The following ZNF783 variants were observed in gnomAD, a reference collection of about 807,000 sequenced individuals.
ZNF783 encodes protein ZNF783.
A neutral mutation model predicts 31.3 loss-of-function variants in ZNF783; 25 were observed. The ratio of observed to expected loss-of-function variants is 0.80; its 90% CI spans 0.58 to 1.11. The LOEUF (loss-of-function observed/expected upper bound fraction) is 1.11. Among genes scored for constraint, ZNF783 ranks in the 50% most tolerant of loss-of-function variants. ZNF783 has a pLI of 0.00. For missense variants in ZNF783, 797 were observed against 760.0 expected (o/e 1.05, Z -0.57); for synonymous variants, 369 against 319.1 (o/e 1.16, Z -1.66).
intron 1 of ZNF783, 148 bp from the exon 2 acceptor site, chr7:149,266,187 C>A: frequency 1.1e-6 from 1 of 917,042 alleles, no homozygotes; most frequent in Non-Finnish European, 1.6e-6. Flanking sequence ...ATACCCTAGC[C>A]TCTCCCTCTC....
At position 149,282,983 on chromosome 7, in the gene ZNF783, T is replaced by TTTTTTTG. The variant is rs1797519303; in HGVS notation, c.*644_*645insTTGTTTT. ...TTTTTTTTTTGTTGTTGTTGTTGTTTTTTTAAGATGGAGTTTCACTCTTGT... is the reference window on the plus strand; with the variant it reads ...TTTTTTTTTTGTTGTTGTTGTTGTTTTTTTTTGTTTTAAGATGGAGTTTCACTCTTGT... On this transcript the variant is annotated 3_prime_UTR_variant, in exon 6 of 6. Coordinates refer to ENST00000434415, the MANE Select transcript of ZNF783 (RefSeq NM_001195220.2). The TTTTTTTG allele has an allele frequency of 2.2e-5, 3 of 136,924 alleles. No individual in the cohort carries two copies. Among genetic ancestry groups the TTTTTTTG allele is most frequent in the Admixed American group, 7.5e-5 (1 of 13,402 alleles). The allele number at this position is 136,924 out of a possible 1,614,324, so 8.5% of individuals were successfully genotyped here.
chr7:149,265,780 A>AT (rs1797048261), intron 1 of ZNF783, among the ~76,000 whole-genome samples: 1 of 152,100 alleles, frequency 6.6e-6, no homozygotes, highest in African/African-American at 2.4e-5. Flanking sequence ...TTGTACACAG[A>AT]TTTTTCTTAA....
Position 149,282,410 on chromosome 7 carries a change from T to C in ZNF783, c.*67T>C, listed in dbSNP as rs2129525268. 7.7e-7 allele frequency: 1 copy of C among 1,290,946 alleles called. No individual in the cohort carries two copies. The highest frequency in any genetic ancestry group is 1.0e-6 in the Non-Finnish European group (1 of 972,072). 80.0% of individuals were successfully genotyped at this position (1,290,946 alleles called of 1,614,324 possible). A position where few individuals can be genotyped will look rare whatever the true frequency, so the allele number is the denominator to read the frequency against. On this transcript the variant is annotated 3_prime_UTR_variant, in exon 6 of 6. Transcript: ENST00000434415. ...CCTGTGCCTGACGCAGGTTCTTCCT[T>C]TTCCTGGGATGGAGAGAGGTTTGTT...
rs376928733 is a variant in ZNF783, at chr7:149,266,426, C to T, written c.116C>T (p.Thr39Met). Reference sequence around the variant, plus strand: ...GAGAAGAACTCGTACCTCTACTCCACGGAAATCACACTGTGGACGGTGGTG... The same window carrying T: ...GAGAAGAACTCGTACCTCTACTCCATGGAAATCACACTGTGGACGGTGGTG... ...AAEKNSYLYS[T>M]EITLWTVVAA... The change falls in exon 2 of 6, where the codon ACG (threonine) becomes ATG (methionine). Residue 39 changes from threonine (T) to methionine (M), a missense_variant. Physicochemically the swap from Thr to Met is moderately conservative, Grantham distance 81. Transcript: ENST00000434415. 1.6e-5 allele frequency: 26 copies of T among 1,603,424 alleles called. No individual in the cohort carries two copies. The highest frequency in any genetic ancestry group is 2.2e-5 in the East Asian group (1 of 44,872).
At chr7:149,278,016 C>A in intron 4 of ZNF783, 1 of 304,430 alleles carries the variant, frequency 3.3e-6, no homozygotes, top group Non-Finnish European at 5.7e-6. Context: ...TGCCTTGGGT[C>A]CCCTATGCCA....
chr7:149,267,961 G>T (rs1174327323), intron 4 of ZNF783, among the ~76,000 whole-genome samples: 1 of 152,204 alleles, frequency 6.6e-6, no homozygotes, highest in Non-Finnish European at 1.5e-5. Context: ...TTCCATTTGT[G>T]TACATGGCCC....
intron 4 of ZNF783, among the ~76,000 whole-genome samples, chr7:149,272,086 C>G (rs1227467377): frequency 6.6e-6 from 1 of 152,120 alleles, no homozygotes; most frequent in South Asian, 2.1e-4. Context: ...GGCACGATCT[C>G]GTCTCACTGT....
rs1563200147 is a variant in ZNF783, at chr7:149,281,984, CG to C, written c.1284del (p.Arg429GlyfsTer136). 6.4e-7 allele frequency: 1 copy of C among 1,574,006 alleles called. No homozygotes were observed. The highest frequency in any genetic ancestry group is 1.8e-5 in the Admixed American group (1 of 57,072). On this transcript the variant is annotated frameshift_variant, in exon 6 of 6. Coordinates refer to ENST00000434415, the MANE Select transcript of ZNF783 (RefSeq NM_001195220.2). LOFTEE classifies it low-confidence loss of function (END_TRUNC). ...SVAGGRALVG[R>X]RPAASKMYHC... ...GGCAGGGGGCCGTGCCTTGGTGGGG[CG>C]GCGGCCTGCAGCCAGCAAGATGTAC...
intron 4 of ZNF783, among the ~76,000 whole-genome samples, chr7:149,267,976 T>C (rs1181697660): frequency 6.6e-6 from 1 of 152,126 alleles, no homozygotes; most frequent in Non-Finnish European, 1.5e-5. Context: ...TGGCCCTTGG[T>C]AGGAGGGCCA....
In ZNF783 at chr7:149,281,797, G is replaced by T; in HGVS notation, c.1095G>T (p.Thr365=). ...GQSFRLKINL[T]IHQRTHVEEG... ...GCTTCCGCCTGAAGATCAATCTGAC[G>T]ATTCATCAGCGGACCCATGTGGAGG... The change falls in exon 6 of 6, where the codon ACG becomes ACT. Residue 365 remains threonine, a synonymous_variant. Coordinates refer to ENST00000434415, the MANE Select transcript of ZNF783 (RefSeq NM_001195220.2). The T allele has an allele frequency of 6.6e-7, 1 of 1,517,402 alleles. No individual in the cohort carries two copies. The highest frequency in any genetic ancestry group is 8.8e-7 in the Non-Finnish European group (1 of 1,142,790). The allele number at this position is 1,517,402 out of a possible 1,614,324, so 94.0% of individuals were successfully genotyped here.
chr7:149,272,955 A>G (rs547943018), intron 4 of ZNF783, among the ~76,000 whole-genome samples: 7 of 150,954 alleles, frequency 4.6e-5, no homozygotes, highest in East Asian at 3.9e-4. Flanking sequence ...CATGAGTTCA[A>G]TTGTTTTACT....
chr7:149,267,103 C>G lies in ZNF783; in HGVS notation c.554C>G (p.Ala185Gly), dbSNP rs1449200390. 1 of 1,600,568 alleles carries G rather than the reference C, an allele frequency of 6.2e-7. No homozygotes were observed. Among genetic ancestry groups the G allele is most frequent in the Admixed American group, 1.7e-5 (1 of 60,000 alleles). ...TTTCTTGTTCTGTGCACAGATTATG[C>G]AATCTCCAAACCAGACATCCTCACC... ...NYETLVSLDY[A>G]ISKPDILTRI... The change falls in exon 4 of 6, where the codon GCA becomes GGA. Residue 185 changes from alanine (A) to glycine (G), a missense_variant. Ala to Gly is a moderately conservative substitution (Grantham distance 60). Coordinates refer to ENST00000434415, the MANE Select transcript of ZNF783 (RefSeq NM_001195220.2).
At chr7:149,265,899 G>A (rs1039917306) in intron 1 of ZNF783, among the ~76,000 whole-genome samples, 1 of 152,246 alleles carries the variant, frequency 6.6e-6, no homozygotes, top group Non-Finnish European at 1.5e-5. Flanking sequence ...CAGCTTGTAA[G>A]TGGCAGAGCT....
At chr7:149,274,129 C>G (rs28867982) in intron 4 of ZNF783, among the ~76,000 whole-genome samples, 5,225 of 152,226 alleles carry the variant, frequency 0.034, 152 homozygotes, top group African/African-American at 0.076. Flanking sequence ...TAGGGTAGTA[C>G]TCGAATCTTT....
intron 4 of ZNF783, chr7:149,277,282 C>T (rs1190870756): frequency 6.6e-6 from 1 of 152,226 alleles, no homozygotes; most frequent in Non-Finnish European, 1.5e-5. Context: ...TGTCTGTTCC[C>T]TTCTGATCTG....
chr7:149,268,220 C>T (rs1322616023), intron 4 of ZNF783, among the ~76,000 whole-genome samples: 1 of 152,168 alleles, frequency 6.6e-6, no homozygotes, highest in Non-Finnish European at 1.5e-5. Context: ...CATGATCACA[C>T]CCACAGAATA....
rs779890841 is a variant in ZNF783 at position 149,281,864 on chromosome 7, G to A, written c.1162G>A (p.Gly388Arg). 2.0e-6 allele frequency: 3 copies of A among 1,499,688 alleles called. No homozygotes were observed. The highest frequency in any genetic ancestry group is 2.6e-6 in the Non-Finnish European group (3 of 1,133,150). The allele number at this position is 1,499,688 out of a possible 1,614,324, so 92.9% of individuals were successfully genotyped here. Residue 388 changes from glycine (G) to arginine (R), a missense_variant, in exon 6 of 6, where the codon GGG (glycine) becomes AGG (arginine). Coordinates refer to ENST00000434415, the MANE Select transcript of ZNF783 (RefSeq NM_001195220.2). ...CCCCGGCCGCTCGCCCACCAGCTGC[G>A]GGGACAGCCAGGCCATGCTGGAGCC... ...EAPGRSPTSC[G>R]DSQAMLEPGE...
In ZNF783 at chr7:149,264,240, T is replaced by C. The variant is rs10244037; in HGVS notation, c.24+1883T>C. On this transcript the variant is annotated intron_variant, in intron 1 of 5. Coordinates refer to ENST00000434415, the MANE Select transcript of ZNF783 (RefSeq NM_001195220.2). ...TATGATAGGTGTTCAGTAATTGTTA[T>C]TGAATGAATGAAGCAATTATAGATT... Among the ~76,000 whole-genome samples the C allele has an allele frequency of 2.1e-3, 318 of 152,364 alleles. 2 individuals are homozygous for C. Among genetic ancestry groups the C allele is most frequent in the African/African-American group, 7.2e-3 (301 of 41,592 alleles).
At chr7:149,263,296 G>A (rs1320382236) in intron 1 of ZNF783, among the ~76,000 whole-genome samples, 875 of 71,036 alleles carry the variant, frequency 0.012, 7 homozygotes, top group South Asian at 0.035. Context: ...GTGTGTGTGT[G>A]TGTGTGTGTA....
Sources: allele counts gnomAD v4.1 joint callset (sites outside exome capture counted in the v4.1 genomes callset), GRCh38; gene constraint gnomAD v4.1.1; transcripts MANE v1.5; gene names NCBI Gene and HGNC (gene_info 2026-07-23, HGNC 2026-07-21).